Variants in RIT2 observed in about 807,000 individuals in gnomAD.
RIT2 encodes GTP-binding protein Rit2.
In RIT2, 24 loss-of-function variants were observed where a neutral mutation model predicts 23.7. That is an observed-to-expected ratio of 1.01 (90% CI 0.73 to 1.43). The LOEUF (loss-of-function observed/expected upper bound fraction) is 1.43. Among genes scored for constraint, RIT2 ranks in the 40% most tolerant of loss-of-function variants. RIT2 has a pLI of 0.00. For missense variants in RIT2, 236 were observed against 266.9 expected (o/e 0.88, Z 0.81); for synonymous variants, 107 against 91.1 (o/e 1.17, Z -0.99).
At chr18:42,813,611 T>C (rs1026284807) in intron 4 of RIT2, among the ~76,000 whole-genome samples, 1 of 152,222 alleles carries the variant, frequency 6.6e-6, no homozygotes, top group African/African-American at 2.4e-5. Context: ...CTATGTATTA[T>C]TCAAATTTGA....
intron 3 of RIT2, among the ~76,000 whole-genome samples, chr18:42,965,467 C>T (rs1166584366): frequency 2.0e-5 from 3 of 152,066 alleles, no homozygotes; most frequent in East Asian, 1.9e-4. Context: ...ACCTAATGTC[C>T]TCACTAATGT....
At chr18:42,781,452 C>T (rs1223300427) in intron 4 of RIT2, among the ~76,000 whole-genome samples, 1 of 152,070 alleles carries the variant, frequency 6.6e-6, no homozygotes, top group Non-Finnish European at 1.5e-5. Context: ...AGCTGCGAAC[C>T]TTCCCTTTTG....
chr18:43,018,903 G>C (rs957433676), intron 2 of RIT2, among the ~76,000 whole-genome samples: 6 of 151,524 alleles, frequency 4.0e-5, no homozygotes, highest in Non-Finnish European at 5.9e-5. Flanking sequence ...GGAAAATAAA[G>C]AGCTCAATAT....
chr18:43,069,940 A>T (rs1252060262), intron 1 of RIT2, among the ~76,000 whole-genome samples: 1 of 152,034 alleles, frequency 6.6e-6, no homozygotes, highest in Non-Finnish European at 1.5e-5. Context: ...TTGTCACATT[A>T]CTTCTCATTA....
chr18:42,864,546 T>A (rs1340532237), intron 4 of RIT2, among the ~76,000 whole-genome samples: 1 of 152,182 alleles, frequency 6.6e-6, no homozygotes, highest in African/African-American at 2.4e-5. Flanking sequence ...AGGAATGGAA[T>A]TGAAAACTCT....
Position 42,864,524 on chromosome 18 carries a change from C to G in RIT2, c.426+59048G>C, listed in dbSNP as rs189510614. ...CAGACATCTGGGCACTGTCTTCAAA[C>G]GAGAATAGCACAGGAATGGAATTGA... is the stretch of plus-strand genomic sequence containing the variant. On this transcript the variant is annotated intron_variant, in intron 4 of 4. Transcript: ENST00000326695. Among the ~76,000 whole-genome samples, 212 of 152,180 alleles carry G rather than the reference C, an allele frequency of 1.4e-3. 1 individual carries two copies. The highest frequency in any genetic ancestry group is 4.8e-3 in the African/African-American group (201 of 41,504).
chr18:42,822,567 C>T (rs1479234987), intron 4 of RIT2, among the ~76,000 whole-genome samples: 2 of 152,072 alleles, frequency 1.3e-5, no homozygotes, highest in Non-Finnish European at 2.9e-5. Context: ...ATCTGGCACA[C>T]GGGTTGAAAG....
chr18:43,107,214 G>A (rs1240865947), intron 1 of RIT2, among the ~76,000 whole-genome samples: 2 of 152,124 alleles, frequency 1.3e-5, no homozygotes, highest in Non-Finnish European at 2.9e-5. Flanking sequence ...TAGTCCCAAC[G>A]CTACAGATGA....
intron 2 of RIT2, among the ~76,000 whole-genome samples, chr18:43,020,518 A>T (rs1394824749): frequency 1.3e-5 from 2 of 151,990 alleles, no homozygotes; most frequent in Admixed American, 1.3e-4. Flanking sequence ...AAAAATGCAT[A>T]TGAAACCTGA....
At chr18:42,914,953 A>G (rs1180479184) in intron 4 of RIT2, among the ~76,000 whole-genome samples, 1 of 151,710 alleles carries the variant, frequency 6.6e-6, no homozygotes, top group Non-Finnish European at 1.5e-5. Flanking sequence ...TAAATAAACA[A>G]TTTGTAAAAG....
intron 4 of RIT2, among the ~76,000 whole-genome samples, chr18:42,768,522 C>T (rs1423851456): frequency 6.6e-6 from 1 of 152,052 alleles, no homozygotes; most frequent in Non-Finnish European, 1.5e-5. Flanking sequence ...GTTTCCAGAG[C>T]CCACTTTAAT....
intron 3 of RIT2, among the ~76,000 whole-genome samples, chr18:42,964,403 G>A (rs931042109): frequency 2.0e-5 from 3 of 151,472 alleles, no homozygotes; most frequent in African/African-American, 7.3e-5. Context: ...AATTCCTAGT[G>A]AGCTCCAAGA....
intron 3 of RIT2, among the ~76,000 whole-genome samples, chr18:42,962,310 C>T (rs193276527): frequency 4.5e-4 from 68 of 152,190 alleles, no homozygotes; most frequent in African/African-American, 1.5e-3. Context: ...ATTTTAAAAA[C>T]GGGAAGAGGA....
chr18:42,883,285 G>A (rs1305345101), intron 4 of RIT2, among the ~76,000 whole-genome samples: 1 of 152,146 alleles, frequency 6.6e-6, no homozygotes, highest in Non-Finnish European at 1.5e-5. Context: ...AGGAACGGAG[G>A]AAGCTGGTGA....
At chr18:42,994,572 C>A (rs1022057188) in intron 2 of RIT2, among the ~76,000 whole-genome samples, 72 of 152,084 alleles carry the variant, frequency 4.7e-4, no homozygotes, top group Non-Finnish European at 1.0e-3. Context: ...GAGACTGCCC[C>A]CACCCTAGCT....
At chr18:43,062,966 G>A (rs929823280) in intron 1 of RIT2, among the ~76,000 whole-genome samples, 1 of 151,820 alleles carries the variant, frequency 6.6e-6, no homozygotes, top group South Asian at 2.1e-4. Flanking sequence ...GGTTTTTTTT[G>A]AAAAGGAAAG....
At chr18:43,039,359 T>G (rs1310534126) in intron 1 of RIT2, among the ~76,000 whole-genome samples, 1 of 150,858 alleles carries the variant, frequency 6.6e-6, no homozygotes, top group Non-Finnish European at 1.5e-5. Flanking sequence ...CTTTTTTTTT[T>G]TTTTTTGAGA....
At chr18:42,925,774 T>G (rs10853499) in intron 3 of RIT2, among the ~76,000 whole-genome samples, 1 of 151,508 alleles carries the variant, frequency 6.6e-6, no homozygotes, top group Non-Finnish European at 1.5e-5. Flanking sequence ...TACAAGCATA[T>G]ACATATTCCT....
At position 42,927,574 on chromosome 18, in the gene RIT2, C is replaced by T. The variant is rs569700024; in HGVS notation, c.235-3811G>A. ...TCATTCACCTGTGAATTAAAGATCC[C>T]TATACTTTCTGTTTGATGTATCCTG... On this transcript the variant is annotated intron_variant, in intron 3 of 4. Transcript: ENST00000326695. Among the ~76,000 whole-genome samples the T allele has an allele frequency of 2.0e-5, 3 of 152,040 alleles. No homozygotes were observed. The East Asian group carries it at 5.8e-4, about 29-fold the overall frequency.
Sources: allele counts gnomAD v4.1 joint callset (sites outside exome capture counted in the v4.1 genomes callset), GRCh38; gene constraint gnomAD v4.1.1; transcripts MANE v1.5; gene names NCBI Gene and HGNC (gene_info 2026-07-23, HGNC 2026-07-21).